The following SNW1 variants were observed in gnomAD, a reference collection of about 807,000 sequenced individuals.
SNW1 encodes the protein SNW domain containing 1.
Under a neutral mutation model 75.6 loss-of-function variants are expected in SNW1, and 9 were observed. The observed-to-expected ratio is 0.12, with a 90% confidence interval of 0.07 to 0.21. The LOEUF (loss-of-function observed/expected upper bound fraction) is 0.21. SNW1 is among the 10% of genes least tolerant of loss of function. The pLI, the probability that SNW1 is intolerant of heterozygous loss-of-function variation, is 1.00. For missense variants in SNW1, 409 were observed against 670.9 expected, an observed-to-expected ratio of 0.61 and a Z score of 4.31; for synonymous variants, 200 against 219.1, an observed-to-expected ratio of 0.91 and a Z score of 0.77.
At chr14:77,755,207 T>G in intron 1 of SNW1, 87 bp from the exon 2 acceptor site, 1 of 1,182,410 alleles carries the variant, frequency 8.5e-7, no homozygotes, top group Non-Finnish European at 1.2e-6. Flanking sequence ...AGACAATTTT[T>G]CCTACGATGC....
Position 77,751,464 on chromosome 14 carries a change from C to G in SNW1, c.185G>C (p.Gly62Ala). ...PRLLEDFGDG[G>A]AFPEIHVAQY... ...GGCCACATGGATCTCTGGAAAAGCA[C>G]CTCCATCTCCAAAATCCTACACATT... The change falls in exon 3 of 14, where the codon GGT becomes GCT. Residue 62 changes from glycine to alanine, a missense_variant. This residue lies in a region of SNW1 where 10 missense variants were observed against 29.4 expected (regional missense o/e 0.34). Transcript: ENST00000261531. The G allele has an allele frequency of 6.2e-7, 1 of 1,606,664 alleles. No individual in the cohort carries two copies. The highest frequency in any genetic ancestry group is 8.5e-7 in the Non-Finnish European group (1 of 1,177,608).
intron 1 of SNW1, among the ~76,000 whole-genome samples, chr14:77,758,188 G>A (rs902357984): frequency 6.6e-6 from 1 of 151,730 alleles, no homozygotes; most frequent in Admixed American, 6.6e-5. Context: ...AAATTAGCCG[G>A]GCGTGGTGGC....
At chr14:77,751,843 CACCA>C (rs1384698569) in intron 2 of SNW1, among the ~76,000 whole-genome samples, 3 of 120,800 alleles carry the variant, frequency 2.5e-5, no homozygotes, top group South Asian at 2.7e-4. Context: ...CACACACACA[CACCA>C]CACACACACA....
Position 77,731,237 on chromosome 14 carries a change from A to T in SNW1, c.892-108T>A. On this transcript the variant is annotated intron_variant, in intron 9 of 13. Transcript: ENST00000261531. ...TGGTAAGAGCAATTATACAGAATTC[A>T]GATTTGTTATTGCTAATTAAAACAA... The T allele has an allele frequency of 2.5e-6, 3 of 1,213,420 alleles. No homozygotes were observed. The South Asian group carries it at 4.6e-5, about 18-fold the overall frequency. The allele number at this position is 1,213,420 out of a possible 1,614,324, so 75.2% of individuals were successfully genotyped here. A position where few individuals can be genotyped will look rare whatever the true frequency, so the allele number is the denominator to read the frequency against.
chr14:77,758,743 A>G (rs1186454079), intron 1 of SNW1, among the ~76,000 whole-genome samples: 1 of 152,240 alleles, frequency 6.6e-6, no homozygotes, highest in East Asian at 1.9e-4. Flanking sequence ...AAATTAAAAC[A>G]AACTCAGTTT....
chr14:77,719,061 G>A (rs775072804), intron 12 of SNW1, among the ~76,000 whole-genome samples: 2 of 152,058 alleles, frequency 1.3e-5, no homozygotes, highest in Non-Finnish European at 2.9e-5. Flanking sequence ...GTACAGGTGT[G>A]TGCCACCATG....
Position 77,734,918 on chromosome 14 carries a change from A to G in SNW1, c.774+29T>C, listed in dbSNP as rs180823088. 7.9e-4 allele frequency: 1,179 copies of G among 1,489,790 alleles called. 14 individuals carry two copies. In the East Asian group the frequency reaches 0.013, roughly 16 times the overall value. 92.3% of individuals were successfully genotyped at this position (1,489,790 alleles called of 1,614,324 possible). ...CTGGTGTTTTCCAGTAGGTTATACT[A>G]ATAGAGACTGATTTGACAACTTAAT... On this transcript the variant is annotated intron_variant, in intron 8 of 13. Coordinates refer to ENST00000261531, the MANE Select transcript of SNW1 (RefSeq NM_012245.3).
intron 3 of SNW1, among the ~76,000 whole-genome samples, chr14:77,748,775 G>A (rs1454318753): frequency 4.6e-5 from 7 of 151,992 alleles, no homozygotes; most frequent in Non-Finnish European, 1.0e-4. Flanking sequence ...TTTTAGTAGA[G>A]ACGGGGTTTC....
At chr14:77,760,676 G>A (rs1267983225) in intron 1 of SNW1, 7 of 702,272 alleles carry the variant, frequency 1.0e-5, no homozygotes, top group Non-Finnish European at 1.8e-5. Flanking sequence ...GGGACACCCA[G>A]TGGACAGCGA....
Position 77,717,675 on chromosome 14 carries a change from A to G in SNW1, c.*413T>C. On this transcript the variant is annotated 3_prime_UTR_variant, in exon 14 of 14. Coordinates refer to ENST00000261531, the MANE Select transcript of SNW1 (RefSeq NM_012245.3). ...TACTTTGCCCACTCCAAATTAAAAC[A>G]GAGCACAATAGGGGCAAAATTTATT... 9.8e-7 allele frequency: 1 copy of G among 1,015,870 alleles called. No individual in the cohort carries two copies. The highest frequency in any genetic ancestry group is 1.5e-6 in the Non-Finnish European group (1 of 686,084). The allele number at this position is 1,015,870 out of a possible 1,614,324, so 62.9% of individuals were successfully genotyped here.
chr14:77,734,324 T>G (rs2080652542), intron 8 of SNW1, among the ~76,000 whole-genome samples: 1 of 152,248 alleles, frequency 6.6e-6, no homozygotes, highest in Non-Finnish European at 1.5e-5. Flanking sequence ...TCAGTTTACT[T>G]TCTTTTAGAA....
intron 3 of SNW1, among the ~76,000 whole-genome samples, chr14:77,749,987 G>C (rs540241292): frequency 2.0e-5 from 3 of 152,198 alleles, no homozygotes; most frequent in African/African-American, 7.2e-5. Context: ...GATTGCTTGA[G>C]CCCAAAAGTT....
chr14:77,738,264 G>A (rs2139912243), intron 5 of SNW1, among the ~76,000 whole-genome samples: 1 of 152,214 alleles, frequency 6.6e-6, no homozygotes, highest in Non-Finnish European at 1.5e-5. Context: ...TCACACCACT[G>A]CACTCCAGCC....
intron 2 of SNW1, 144 bp downstream of exon 2, chr14:77,754,823 A>G (rs745646049): frequency 4.3e-6 from 3 of 692,958 alleles, no homozygotes; most frequent in Non-Finnish European, 6.9e-6. Context: ...TCTGAGGGAA[A>G]TATACATCTT....
At chr14:77,723,878 C>T (rs2139895078) in intron 10 of SNW1, among the ~76,000 whole-genome samples, 1 of 152,310 alleles carries the variant, frequency 6.6e-6, no homozygotes, top group South Asian at 2.1e-4. Flanking sequence ...CTCCTGACCT[C>T]AAGTGATCTG....
Position 77,717,773 on chromosome 14 carries a change from G to A in SNW1, c.*315C>T. 2 of 600,186 alleles carry A rather than the reference G, an allele frequency of 3.3e-6. No homozygotes were observed. Among genetic ancestry groups the A allele is most frequent in the Non-Finnish European group, 5.9e-6 (2 of 341,510 alleles). The allele number at this position is 600,186 out of a possible 1,614,324, so 37.2% of individuals were successfully genotyped here. On this transcript the variant is annotated 3_prime_UTR_variant, in exon 14 of 14. Coordinates refer to ENST00000261531, the MANE Select transcript of SNW1 (RefSeq NM_012245.3). ...GGGGTAACTTTACTCATATGCAGCT[G>A]TTCTTACACAAAACATTAACCCCAA...
At chr14:77,724,435 C>T (rs1049172454) in intron 10 of SNW1, among the ~76,000 whole-genome samples, 1 of 152,190 alleles carries the variant, frequency 6.6e-6, no homozygotes, top group African/African-American at 2.4e-5. Flanking sequence ...ATTCACCCCA[C>T]TGTACTAGGA....
intron 3 of SNW1, among the ~76,000 whole-genome samples, chr14:77,741,019 C>A (rs1426908635): frequency 6.7e-6 from 1 of 148,184 alleles, no homozygotes; most frequent in East Asian, 2.0e-4. Context: ...ATCGCTTGAA[C>A]CCAGGAGACG....
chr14:77,732,629 G>A (rs2080636244), intron 8 of SNW1, 28 bp from the exon 9 acceptor site: 2 of 1,158,522 alleles, frequency 1.7e-6, no homozygotes, highest in South Asian at 2.5e-5. Context: ...AGAAAACCCA[G>A]TCACAGAAGT....
Sources: allele counts gnomAD v4.1 joint callset (sites outside exome capture counted in the v4.1 genomes callset), GRCh38; gene constraint gnomAD v4.1.1; regional missense constraint gnomAD v4.1.1; transcripts MANE v1.5; gene names NCBI Gene and HGNC (gene_info 2026-07-23, HGNC 2026-07-21).